DTHD1: variants seen among roughly 807,000 people sequenced by gnomAD.
The protein encoded by DTHD1 is death domain-containing protein 1.
Under a neutral mutation model 74.8 loss-of-function variants are expected in DTHD1, and 59 were observed. The observed-to-expected ratio is 0.79, with a 90% CI of 0.64 to 0.98. The LOEUF is 0.98. DTHD1 is among the 50% of genes least tolerant of loss of function. The pLI is 0.00. For synonymous variants in DTHD1, 365 were observed against 371.1 expected (o/e 0.98, Z 0.19); for missense variants, 1,051 against 1,065.4 (o/e 0.99, Z 0.19).
In DTHD1 at chr4:36,343,690, A is replaced by T. The variant is rs1285695169; in HGVS notation, c.2587A>T (p.Thr863Ser). The change falls in exon 10 of 10, where the codon ACC (threonine) becomes TCC (serine). Residue 863 changes from threonine to serine, a missense_variant. Physicochemically the swap from Thr to Ser is moderately conservative, Grantham distance 58. Coordinates refer to ENST00000639862, the MANE Select transcript of DTHD1 (RefSeq NM_001170700.3). ...CTGGAAAAAATCGCTTCCAACTTTCACCGACAAACTTCGCCTCCTGGCTCG... is the reference window on the plus strand; with the variant it reads ...CTGGAAAAAATCGCTTCCAACTTTCTCCGACAAACTTCGCCTCCTGGCTCG... ...CFWKKSLPTF[T>S]DKLRLLARHL... 5.8e-6 allele frequency: 9 copies of T among 1,551,506 alleles called. No homozygotes were observed. The highest frequency in any genetic ancestry group is 7.8e-6 in the Non-Finnish European group (9 of 1,146,954).
Position 36,311,513 on chromosome 4 carries a change from A to G in DTHD1, c.2095+3020A>G, listed in dbSNP as rs1757409681. Among the ~76,000 whole-genome samples, 4 of 131,130 alleles carry G rather than the reference A, an allele frequency of 3.1e-5. No homozygotes were observed. In the South Asian group the frequency reaches 9.5e-4, roughly 31 times the overall value. 86.0% of individuals were successfully genotyped at this position (131,130 alleles called of 152,430 possible). On this transcript the variant is annotated intron_variant, in intron 7 of 9. Coordinates refer to ENST00000639862, the MANE Select transcript of DTHD1 (RefSeq NM_001170700.3). ...CTCTCCTGCTGTATCTTCAGATCTC[A>G]CCTCAACTATCATGTTCTGAGAAGC... is the stretch of plus-strand genomic sequence containing the variant.
At chr4:36,304,640 A>G (rs1756946480) in intron 5 of DTHD1, among the ~76,000 whole-genome samples, 1 of 152,212 alleles carries the variant, frequency 6.6e-6, no homozygotes. Flanking sequence ...GAGTGTAGGT[A>G]GCATCATCAG....
Position 36,308,366 on chromosome 4 carries a change from T to C in DTHD1, c.1968T>C (p.Asp656=). Reference sequence around the variant, plus strand: ...CTGTTTTAGTGGTGCCTTCCAAAGATTTAAGCCAGGTGCTTAAGGACCTGC... The same window carrying C: ...CTGTTTTAGTGGTGCCTTCCAAAGACTTAAGCCAGGTGCTTAAGGACCTGC... ...RIAVLVVPSK[D]LSQVLKDLHL... The change falls in exon 7 of 10, where the codon GAT becomes GAC. Residue 656 remains aspartate (D), a synonymous_variant. Transcript: ENST00000639862. 1 of 1,551,808 alleles carries C rather than the reference T, an allele frequency of 6.4e-7. No homozygotes were observed. Among genetic ancestry groups the C allele is most frequent in the Non-Finnish European group, 8.7e-7 (1 of 1,147,020 alleles).
intron 4 of DTHD1, among the ~76,000 whole-genome samples, chr4:36,294,025 C>A (rs550302077): frequency 7.5e-4 from 114 of 151,880 alleles, no homozygotes; most frequent in Middle Eastern, 3.4e-3. Flanking sequence ...GACTTTGGAA[C>A]ATACATATAA....
chr4:36,284,199 T>C lies in DTHD1; in HGVS notation c.495T>C (p.Asn165=), dbSNP rs1484471310. 1 of 1,537,016 alleles carries C rather than the reference T, an allele frequency of 6.5e-7. No individual in the cohort carries two copies. Among genetic ancestry groups the C allele is most frequent in the Non-Finnish European group, 8.7e-7 (1 of 1,146,850 alleles). The change falls in exon 2 of 10, where the codon AAT becomes AAC. Residue 165 remains asparagine (N), a synonymous_variant. Coordinates refer to ENST00000639862, the MANE Select transcript of DTHD1 (RefSeq NM_001170700.3). ...AAACAGCTACTGTTTCTCCCACAAA[T>C]GGAGAGGAAAGTCATTACACAAACC... ...VIETATVSPT[N]GEESHYTNQV...
intron 8 of DTHD1, among the ~76,000 whole-genome samples, chr4:36,322,628 G>A (rs986954729): frequency 6.6e-6 from 1 of 152,014 alleles, no homozygotes. Context: ...CGCATGTGAG[G>A]GCCACAGAAA....
At chr4:36,314,748 T>A (rs1199861055) in intron 7 of DTHD1, among the ~76,000 whole-genome samples, 1 of 51,596 alleles carries the variant, frequency 1.9e-5, no homozygotes, top group African/African-American at 3.1e-4. Context: ...ACAATCTGAG[T>A]TTTTTTTTTT....
chr4:36,291,822 C>T (rs879571685), intron 3 of DTHD1, among the ~76,000 whole-genome samples: 1 of 152,172 alleles, frequency 6.6e-6, no homozygotes, highest in African/African-American at 2.4e-5. Flanking sequence ...GAGTGAAACT[C>T]TGTCTCAAAA....
At chr4:36,286,026 T>C (rs1370476436) in intron 2 of DTHD1, among the ~76,000 whole-genome samples, 1 of 152,186 alleles carries the variant, frequency 6.6e-6, no homozygotes, top group East Asian at 1.9e-4. Context: ...AGGCAAGTCA[T>C]TTTGCTCACC....
In DTHD1 at chr4:36,343,816, CCT is replaced by C; in HGVS notation, c.2714_2715del (p.Pro905ArgfsTer5). 3.2e-6 allele frequency: 5 copies of C among 1,545,306 alleles called. No individual in the cohort carries two copies. Among genetic ancestry groups the C allele is most frequent in the African/African-American group, 1.4e-5 (1 of 72,980 alleles). On this transcript the variant is annotated frameshift_variant, in exon 10 of 10. Coordinates refer to ENST00000639862, the MANE Select transcript of DTHD1 (RefSeq NM_001170700.3). LOFTEE classifies it high-confidence loss of function. ...TEPQQCFDVA[P>X]E ...ACCACAGCAGTGTTTTGATGTAGCCCCTGAGTAAAAGCCTGATCTCTCTTCCT... is the reference window on the plus strand; with the variant it reads ...ACCACAGCAGTGTTTTGATGTAGCCCGAGTAAAAGCCTGATCTCTCTTCCT...
intron 7 of DTHD1, among the ~76,000 whole-genome samples, chr4:36,314,219 A>C (rs1041520827): frequency 1.3e-5 from 2 of 152,140 alleles, no homozygotes; most frequent in Non-Finnish European, 2.9e-5. Flanking sequence ...AAATGATCTC[A>C]AGCAGTCAGG....
chr4:36,318,661 C>G (rs1553970302), intron 8 of DTHD1, among the ~76,000 whole-genome samples: 1 of 132,282 alleles, frequency 7.6e-6, no homozygotes, highest in Non-Finnish European at 1.5e-5. Context: ...GTCGCCCAGG[C>G]TGGAGTGCAG....
At chr4:36,331,383 T>C (rs1758660334) in intron 8 of DTHD1, among the ~76,000 whole-genome samples, 1 of 152,200 alleles carries the variant, frequency 6.6e-6, no homozygotes, top group Non-Finnish European at 1.5e-5. Flanking sequence ...TTAGTTGAAG[T>C]GGTCTATATG....
At position 36,346,277 on chromosome 4, in the gene DTHD1, C is replaced by T. The variant is rs1161720565; in HGVS notation, c.*2453C>T. On this transcript the variant is annotated 3_prime_UTR_variant, in exon 10 of 10. Transcript: ENST00000639862. ...CACACGACATCTCACTTTACCGTTA[C>T]CACTTCACCTGCACATATACAATCT... 1.3e-5 allele frequency among the ~76,000 whole-genome samples: 2 copies of T among 151,692 alleles called. No individual in the cohort carries two copies. Among genetic ancestry groups the T allele is most frequent in the Admixed American group, 1.3e-4 (2 of 15,188 alleles).
intron 7 of DTHD1, among the ~76,000 whole-genome samples, chr4:36,310,169 C>A (rs753166298): frequency 6.6e-6 from 1 of 151,910 alleles, no homozygotes; most frequent in Non-Finnish European, 1.5e-5. Context: ...CATGCAAGTG[C>A]TTTTGATAAG....
At position 36,345,373 on chromosome 4, in the gene DTHD1, A is replaced by C. The variant is rs1427035428; in HGVS notation, c.*1549A>C. On this transcript the variant is annotated 3_prime_UTR_variant, in exon 10 of 10. Coordinates refer to ENST00000639862, the MANE Select transcript of DTHD1 (RefSeq NM_001170700.3). ...ATGGGACATTGAACTAGTTTCACTG[A>C]CTCATTAATGCAAAAACCATTAGGT... is the stretch of plus-strand genomic sequence containing the variant. The C allele has an allele frequency of 1.3e-5, 2 of 152,172 alleles. No individual in the cohort carries two copies. The highest frequency in any genetic ancestry group is 4.8e-5 in the African/African-American group (2 of 41,434). 9.4% of individuals were successfully genotyped at this position (152,172 alleles called of 1,614,324 possible). A position where few individuals can be genotyped will look rare whatever the true frequency, so the allele number is the denominator to read the frequency against.
At chr4:36,295,830 C>T (rs531663543) in intron 5 of DTHD1, among the ~76,000 whole-genome samples, 3 of 151,672 alleles carry the variant, frequency 2.0e-5, no homozygotes, top group Non-Finnish European at 4.4e-5. Context: ...GAAAAGGGAC[C>T]AAAATATGAT....
intron 7 of DTHD1, among the ~76,000 whole-genome samples, chr4:36,312,057 G>A (rs752282007): frequency 9.2e-5 from 14 of 152,066 alleles, no homozygotes; most frequent in Non-Finnish European, 2.1e-4. Context: ...TTTTATGACG[G>A]TTTTTGGCAT....
chr4:36,282,618 G>T (rs1325519650), intron 1 of DTHD1, among the ~76,000 whole-genome samples: 1 of 152,122 alleles, frequency 6.6e-6, no homozygotes, highest in South Asian at 2.1e-4. Flanking sequence ...GTACAGTAAG[G>T]CAGGAAGAAT....
Sources: allele counts gnomAD v4.1 joint callset (sites outside exome capture counted in the v4.1 genomes callset), GRCh38; gene constraint gnomAD v4.1.1; transcripts MANE v1.5; gene names NCBI Gene and HGNC (gene_info 2026-07-23, HGNC 2026-07-21).